Variants in HECW2 observed in about 807,000 individuals in gnomAD.
HECW2 encodes the protein E3 ubiquitin-protein ligase HECW2.
A neutral mutation model predicts 175.2 loss-of-function variants in HECW2; 61 were observed. The observed-to-expected ratio is 0.35, with a 90% CI of 0.28 to 0.43. The LOEUF (loss-of-function observed/expected upper bound fraction) is 0.43, where lower values mean the gene tolerates loss of function less well. HECW2 is among the 20% of genes least tolerant of loss of function. The probability of loss-of-function intolerance (pLI) is 1.00; values close to 1 mark genes in which losing one functional copy is unlikely to be tolerated. For synonymous variants in HECW2, 671 were observed against 731.0 expected (o/e 0.92, Z 1.32); for missense variants, 1,524 against 2,000.5 (o/e 0.76, Z 4.54).
intron 2 of HECW2, among the ~76,000 whole-genome samples, chr2:196,430,019 A>G (rs1312734952): frequency 6.6e-6 from 1 of 152,214 alleles, no homozygotes; most frequent in East Asian, 1.9e-4. Flanking sequence ...GCCCAGCCAG[A>G]GTGAAGAGAC....
chr2:196,344,934 A>T (rs1183397058), intron 2 of HECW2, among the ~76,000 whole-genome samples: 1 of 152,214 alleles, frequency 6.6e-6, no homozygotes, highest in Non-Finnish European at 1.5e-5. Context: ...AATGGGTCAA[A>T]GCAAGGGGAC....
chr2:196,384,665 A>G (rs1173039716), intron 2 of HECW2, among the ~76,000 whole-genome samples: 1 of 152,240 alleles, frequency 6.6e-6, no homozygotes, highest in Admixed American at 6.5e-5. Context: ...ACACAATGAA[A>G]TGATGAACAA....
chr2:196,229,166 G>A (rs1011734804), intron 21 of HECW2, among the ~76,000 whole-genome samples: 5 of 152,140 alleles, frequency 3.3e-5, no homozygotes, highest in Admixed American at 2.6e-4. Context: ...GGGAAGGAAT[G>A]CTGAAAAGGG....
chr2:196,317,092 G>A, intron 10 of HECW2, 182 bp downstream of exon 10: 1 of 537,814 alleles, frequency 1.9e-6, no homozygotes, highest in African/African-American at 1.9e-5. Context: ...CAGCATAATG[G>A]TGCCAGAGAA....
At chr2:196,324,586 T>C (rs896212527) in intron 6 of HECW2, among the ~76,000 whole-genome samples, 4 of 152,184 alleles carry the variant, frequency 2.6e-5, no homozygotes, top group African/African-American at 9.7e-5. Flanking sequence ...TAAAACAAGA[T>C]CAGTATTGCT....
chr2:196,296,961 G>C (rs1468662086), intron 13 of HECW2, among the ~76,000 whole-genome samples: 1 of 152,152 alleles, frequency 6.6e-6, no homozygotes, highest in African/African-American at 2.4e-5. Flanking sequence ...TTCTATGTTT[G>C]TTTGTTTGCT....
chr2:196,382,028 A>G (rs1327882683), intron 2 of HECW2, among the ~76,000 whole-genome samples: 1 of 152,220 alleles, frequency 6.6e-6, no homozygotes, highest in Non-Finnish European at 1.5e-5. Flanking sequence ...GTGTGCACAT[A>G]TATAAGAATG....
chr2:196,323,326 G>T (rs116234136), intron 6 of HECW2, among the ~76,000 whole-genome samples: 125 of 152,320 alleles, frequency 8.2e-4, no homozygotes, highest in African/African-American at 3.0e-3. Flanking sequence ...TACTCACAGA[G>T]ACTTTTACAT....
chr2:196,317,145 A>T, intron 10 of HECW2, 129 bp downstream of exon 10: 1 of 698,764 alleles, frequency 1.4e-6, no homozygotes, highest in East Asian at 2.7e-5. Context: ...CTGCTATGTC[A>T]AGTGGCAACC....
At chr2:196,572,679 G>T (rs1480350422) in intron 1 of HECW2, among the ~76,000 whole-genome samples, 2 of 152,156 alleles carry the variant, frequency 1.3e-5, no homozygotes, top group Non-Finnish European at 2.9e-5. Context: ...ATGGTATTTG[G>T]AGGTGGAGAC....
chr2:196,555,442 C>T (rs1689760999), intron 1 of HECW2, among the ~76,000 whole-genome samples: 1 of 152,134 alleles, frequency 6.6e-6, no homozygotes, highest in Non-Finnish European at 1.5e-5. Flanking sequence ...CTCCTAATAC[C>T]ATCACATTGC....
Position 196,577,216 on chromosome 2 carries a change from C to A in HECW2, c.-36+16292G>T, listed in dbSNP as rs114303282. 4.7e-3 allele frequency among the ~76,000 whole-genome samples: 718 copies of A among 152,116 alleles called. 5 individuals are homozygous for A. Among genetic ancestry groups the A allele is most frequent in the Middle Eastern group, 0.014 (4 of 294 alleles). On this transcript the variant is annotated intron_variant, in intron 1 of 28. Transcript: ENST00000644978. ...CTGGTTGCATTCACAGAATGTTGCCCAATTGGAATATATATGCCTTCAAAA... is the reference window on the plus strand; with the variant it reads ...CTGGTTGCATTCACAGAATGTTGCCAAATTGGAATATATATGCCTTCAAAA...
chr2:196,530,126 T>A (rs77331131), intron 1 of HECW2, among the ~76,000 whole-genome samples: 1 of 152,228 alleles, frequency 6.6e-6, no homozygotes, highest in Admixed American at 6.5e-5. Context: ...TGCCTGCAAC[T>A]GAATAGACTT....
chr2:196,357,900 A>G (rs1400527030), intron 2 of HECW2, among the ~76,000 whole-genome samples: 2 of 152,232 alleles, frequency 1.3e-5, no homozygotes, highest in Non-Finnish European at 2.9e-5. Flanking sequence ...CTGTGAGTCA[A>G]TTAAATCTCT....
At chr2:196,399,704 C>T (rs550244035) in intron 2 of HECW2, among the ~76,000 whole-genome samples, 5 of 152,180 alleles carry the variant, frequency 3.3e-5, no homozygotes, top group Non-Finnish European at 7.3e-5. Context: ...AACACCAATG[C>T]TATTGTTCTT....
chr2:196,425,650 G>C (rs1197705229), intron 2 of HECW2, among the ~76,000 whole-genome samples: 6 of 152,154 alleles, frequency 3.9e-5, no homozygotes, highest in African/African-American at 1.4e-4. Context: ...GGTGCCTGAA[G>C]ATGTAACTGA....
chr2:196,485,851 A>G (rs1686982794), intron 1 of HECW2, among the ~76,000 whole-genome samples: 1 of 152,196 alleles, frequency 6.6e-6, no homozygotes, highest in Non-Finnish European at 1.5e-5. Context: ...GTGAGGGAGG[A>G]AGATATTTAG....
chr2:196,554,368 C>G (rs898597428), intron 1 of HECW2, among the ~76,000 whole-genome samples: 1 of 152,122 alleles, frequency 6.6e-6, no homozygotes, highest in Non-Finnish European at 1.5e-5. Flanking sequence ...CAAAAAACAA[C>G]TTGTGACTTA....
chr2:196,508,508 A>G (rs1218699479), intron 1 of HECW2, among the ~76,000 whole-genome samples: 1 of 152,246 alleles, frequency 6.6e-6, no homozygotes, highest in Non-Finnish European at 1.5e-5. Context: ...GATTATAAAA[A>G]GCTTCAGTGT....
Sources: allele counts gnomAD v4.1 joint callset (sites outside exome capture counted in the v4.1 genomes callset), GRCh38; gene constraint gnomAD v4.1.1; transcripts MANE v1.5; gene names NCBI Gene and HGNC (gene_info 2026-07-23, HGNC 2026-07-21).